C2orf49: variants seen among roughly 807,000 people sequenced by gnomAD.
The protein encoded by C2orf49 is tRNA-splicing ligase complex subunit ASW.
In C2orf49, 11 loss-of-function variants were observed where a neutral mutation model predicts 20.6. The observed-to-expected ratio is 0.53, with a 90% confidence interval of 0.34 to 0.88. The LOEUF is 0.88. Among genes scored for constraint, C2orf49 ranks in the 40% least tolerant of loss-of-function variants. The pLI, the probability that C2orf49 is intolerant of heterozygous loss-of-function variation, is 0.02. For synonymous variants in C2orf49, 134 were observed against 108.5 expected (o/e 1.24, Z -1.46); for missense variants, 289 against 274.2 (o/e 1.05, Z -0.38).
At chr2:105,376,940 T>G in the C2orf49 span, among the ~76,000 whole-genome samples, 1 of 152,194 alleles carries the variant, frequency 6.6e-6, no homozygotes, top group Non-Finnish European at 1.5e-5. Context: ...CTGCATGATC[T>G]CACACATGTG....
the C2orf49 span, chr2:105,363,295 G>A: frequency 0.01 from 16,345 of 1,614,124 alleles, 104 homozygotes; most frequent in Non-Finnish European, 0.012. Context: ...CGCTGATGGG[G>A]TTGGTGCACC....
rs1249612716 is a variant in C2orf49, at chr2:105,346,369, G to T, written c.*998G>T. Reference sequence around the variant, plus strand: ...AGTTGACTGGTCGATTCTGTACCTGGCCCATCCTTTAGAATGTTCTTGTCA... The same window carrying T: ...AGTTGACTGGTCGATTCTGTACCTGTCCCATCCTTTAGAATGTTCTTGTCA... On this transcript the variant is annotated 3_prime_UTR_variant, in exon 4 of 4. Coordinates refer to ENST00000258457, the MANE Select transcript of C2orf49 (RefSeq NM_024093.3). 2.0e-5 allele frequency: 3 copies of T among 152,130 alleles called. No individual in the cohort carries two copies. The highest frequency in any genetic ancestry group is 7.2e-5 in the African/African-American group (3 of 41,404). The allele number at this position is 152,130 out of a possible 1,614,324, so 9.4% of individuals were successfully genotyped here.
At chr2:105,339,964 G>C (rs540385248) in intron 2 of C2orf49, among the ~76,000 whole-genome samples, 1 of 152,282 alleles carries the variant, frequency 6.6e-6, no homozygotes, top group Admixed American at 6.5e-5. Flanking sequence ...TTAAAATATG[G>C]TATTGTTATA....
downstream of C2orf49, among the ~76,000 whole-genome samples, chr2:105,351,480 A>T (rs1434564122): frequency 6.6e-6 from 1 of 152,146 alleles, no homozygotes; most frequent in Non-Finnish European, 1.5e-5. Flanking sequence ...CATTAATTTT[A>T]TTTAATGATT....
At chr2:105,339,893 C>T (rs1473668693) in intron 2 of C2orf49, 144 bp downstream of exon 2, 1 of 644,470 alleles carries the variant, frequency 1.6e-6, no homozygotes, top group Admixed American at 3.8e-5. Context: ...GTGCGTATAG[C>T]AGTGAATAAA....
chr2:105,340,395 A>G (rs528396339), intron 2 of C2orf49, among the ~76,000 whole-genome samples: 2 of 152,224 alleles, frequency 1.3e-5, no homozygotes, highest in Non-Finnish European at 2.9e-5. Flanking sequence ...AGCGGTGTGT[A>G]TAAGACTGGA....
chr2:105,351,834 ACTGACAGAG>A (rs1679943649), downstream of C2orf49, among the ~76,000 whole-genome samples: 1 of 152,200 alleles, frequency 6.6e-6, no homozygotes, highest in Admixed American at 6.5e-5. Flanking sequence ...GGCCTCCTCA[ACTGACAGAG>A]CAAGGAAATA....
the C2orf49 span, among the ~76,000 whole-genome samples, chr2:105,354,424 G>A: frequency 6.6e-6 from 1 of 152,118 alleles, no homozygotes; most frequent in Non-Finnish European, 1.5e-5. Flanking sequence ...CAGCACTGTG[G>A]GAGGCCGAGG....
At position 105,339,618 on chromosome 2, in the gene C2orf49, C is replaced by G. The variant is rs530740042; in HGVS notation, c.135C>G (p.Asn45Lys). ...CTGTTGAAACTGATGTAAGAGTAAA[C>G]AAAGACAGTCTTACTGACCTTTATG... Reference protein sequence around the residue: ...NIAVETDVRVNKDSLTDLYVQ... With the variant: ...NIAVETDVRVKKDSLTDLYVQ... The change falls in exon 2 of 4, where the codon AAC becomes AAG. Residue 45 changes from asparagine (N) to lysine (K), a missense_variant. Physicochemically the swap from Asn to Lys is moderately conservative, Grantham distance 94. Coordinates refer to ENST00000258457, the MANE Select transcript of C2orf49 (RefSeq NM_024093.3). 2 of 1,600,752 alleles carry G rather than the reference C, an allele frequency of 1.2e-6. No individual in the cohort carries two copies. Among genetic ancestry groups the G allele is most frequent in the African/African-American group, 2.7e-5 (2 of 74,250 alleles).
At chr2:105,361,177 G>T in the C2orf49 span, 2 of 1,151,888 alleles carry the variant, frequency 1.7e-6, no homozygotes. Flanking sequence ...CTAGAAGAAA[G>T]TCTCAATGTG....
At chr2:105,369,753 G>A in the C2orf49 span, among the ~76,000 whole-genome samples, 2,383 of 152,312 alleles carry the variant, frequency 0.016, 31 homozygotes, top group Non-Finnish European at 0.025. Context: ...AAGCAGCCCA[G>A]AAGCCAAAGG....
At chr2:105,369,164 C>A in the C2orf49 span, among the ~76,000 whole-genome samples, 1 of 152,142 alleles carries the variant, frequency 6.6e-6, no homozygotes, top group South Asian at 2.1e-4. Flanking sequence ...GGGTCACATA[C>A]ATGTGACTTC....
chr2:105,375,201 G>A, the C2orf49 span: 2 of 151,966 alleles, frequency 1.3e-5, no homozygotes, highest in East Asian at 3.9e-4. Flanking sequence ...GTGTTTTCCC[G>A]GAACCTGGAA....
chr2:105,343,607 T>A (rs577771554), intron 3 of C2orf49, among the ~76,000 whole-genome samples: 1 of 152,174 alleles, frequency 6.6e-6, no homozygotes, highest in African/African-American at 2.4e-5. Flanking sequence ...TAAGTAGCAT[T>A]TGGGGCCTGA....
chr2:105,377,320 A>G, the C2orf49 span, among the ~76,000 whole-genome samples: 1 of 152,330 alleles, frequency 6.6e-6, no homozygotes, highest in South Asian at 2.1e-4. Flanking sequence ...GTATTTTACC[A>G]TAATTAAAAG....
downstream of C2orf49, among the ~76,000 whole-genome samples, chr2:105,352,734 G>A (rs371233856): frequency 2.0e-5 from 3 of 152,100 alleles, no homozygotes; most frequent in East Asian, 1.9e-4. Context: ...TTGAGCCACC[G>A]CACCCAGCTG....
chr2:105,385,693 G>T, the C2orf49 span, among the ~76,000 whole-genome samples: 8 of 152,184 alleles, frequency 5.3e-5, no homozygotes, highest in Non-Finnish European at 1.0e-4. Context: ...GTGTCCTTCA[G>T]CAATCCAGGT....
chr2:105,363,279 A>G, the C2orf49 span: 1 of 1,613,658 alleles, frequency 6.2e-7, no homozygotes, highest in Non-Finnish European at 8.5e-7. Flanking sequence ...ACCCCGGGAC[A>G]CTCACCGCTG....
rs764625096 is a variant in C2orf49 at position 105,347,549 on chromosome 2, A to G, written c.*2178A>G. The G allele has an allele frequency of 1.3e-5, 2 of 152,256 alleles. No individual in the cohort carries two copies. The highest frequency in any genetic ancestry group is 4.8e-5 in the African/African-American group (2 of 41,470). The allele number at this position is 152,256 out of a possible 1,614,324, so 9.4% of individuals were successfully genotyped here. ...TTTATATTATGAACATTCAGAATCA[A>G]TGCTCATGTAGCAGCATATTATTGA... On this transcript the variant is annotated 3_prime_UTR_variant, in exon 4 of 4. Transcript: ENST00000258457.
Sources: allele counts gnomAD v4.1 joint callset (sites outside exome capture counted in the v4.1 genomes callset), GRCh38; gene constraint gnomAD v4.1.1; transcripts MANE v1.5; gene names NCBI Gene and HGNC (gene_info 2026-07-23, HGNC 2026-07-21).